Variants in ARHGAP15 observed in about 807,000 individuals in gnomAD.
The protein encoded by ARHGAP15 is Rho GTPase activating protein 15, also known as rho GTPase-activating protein 15.
Under a neutral mutation model 63.7 loss-of-function variants are expected in ARHGAP15, and 51 were observed. The observed-to-expected ratio is 0.80, with a 90% confidence interval of 0.64 to 1.01. ARHGAP15 has a LOEUF of 1.01. Among genes scored for constraint, ARHGAP15 ranks in the 50% least tolerant of loss-of-function variants. The pLI is 0.00. For missense variants in ARHGAP15, 560 were observed against 564.6 expected, an observed-to-expected ratio of 0.99 and a Z score of 0.08; for synonymous variants, 191 against 193.8, an observed-to-expected ratio of 0.99 and a Z score of 0.12.
intron 6 of ARHGAP15, among the ~76,000 whole-genome samples, chr2:143,379,507 G>GTGTGTGTGTGTGTGTT (rs1686967817): frequency 2.0e-5 from 3 of 150,798 alleles, no homozygotes. Flanking sequence ...GTGTGTGTGT[G>GTGTGTGTGTGTGTGTT]TGTGTGTGTG....
At chr2:143,604,114 T>G (rs1185901607) in intron 11 of ARHGAP15, among the ~76,000 whole-genome samples, 11 of 152,220 alleles carry the variant, frequency 7.2e-5, no homozygotes, top group Admixed American at 7.2e-4. Context: ...ATTTAACATT[T>G]AAGGTTAGGC....
At chr2:143,681,445 G>C (rs1025834256) in intron 12 of ARHGAP15, among the ~76,000 whole-genome samples, 7 of 152,188 alleles carry the variant, frequency 4.6e-5, no homozygotes, top group African/African-American at 1.4e-4. Context: ...GATGCAGACG[G>C]GCAAATTTCT....
At chr2:143,521,367 T>C (rs1694055977) in intron 10 of ARHGAP15, among the ~76,000 whole-genome samples, 1 of 152,230 alleles carries the variant, frequency 6.6e-6, no homozygotes, top group Non-Finnish European at 1.5e-5. Context: ...TATGATCATT[T>C]TGTTGGATTA....
intron 12 of ARHGAP15, among the ~76,000 whole-genome samples, chr2:143,642,462 C>T (rs1417807512): frequency 6.6e-6 from 1 of 151,998 alleles, no homozygotes; most frequent in Non-Finnish European, 1.5e-5. Flanking sequence ...ATGAGGAAAC[C>T]CTCAGGTGAT....
chr2:143,318,470 T>C (rs1358944486), intron 6 of ARHGAP15, among the ~76,000 whole-genome samples: 1 of 150,728 alleles, frequency 6.6e-6, no homozygotes, highest in Non-Finnish European at 1.5e-5. Flanking sequence ...GAGTTTATTA[T>C]CTTAGAAAAA....
At chr2:143,412,716 G>T (rs1235897698) in intron 6 of ARHGAP15, among the ~76,000 whole-genome samples, 2 of 137,586 alleles carry the variant, frequency 1.5e-5, no homozygotes, top group African/African-American at 5.4e-5. Context: ...GGCTTAATGT[G>T]TTTCAGCAGC....
At chr2:143,310,820 GTT>G (rs1476336725) in intron 6 of ARHGAP15, among the ~76,000 whole-genome samples, 3 of 151,962 alleles carry the variant, frequency 2.0e-5, no homozygotes, top group African/African-American at 7.2e-5. Flanking sequence ...TCTATAAAAT[GTT>G]TTATGTATTG....
intron 9 of ARHGAP15, among the ~76,000 whole-genome samples, chr2:143,507,200 T>A (rs1693361773): frequency 6.6e-6 from 1 of 152,160 alleles, no homozygotes; most frequent in African/African-American, 2.4e-5. Flanking sequence ...ATCCCTTTCT[T>A]CTTCATTCTC....
intron 6 of ARHGAP15, among the ~76,000 whole-genome samples, chr2:143,265,926 A>G (rs1357568930): frequency 1.3e-5 from 2 of 152,140 alleles, no homozygotes; most frequent in African/African-American, 4.8e-5. Context: ...TAAAGTTTCA[A>G]TAAAATATAT....
At chr2:143,168,773 G>C (rs540796202) in intron 2 of ARHGAP15, among the ~76,000 whole-genome samples, 15 of 151,948 alleles carry the variant, frequency 9.9e-5, no homozygotes, top group Non-Finnish European at 2.1e-4. Flanking sequence ...GATTTAACTA[G>C]TCATCTAATT....
chr2:143,679,165 C>T (rs557696443), intron 12 of ARHGAP15, among the ~76,000 whole-genome samples: 1 of 151,910 alleles, frequency 6.6e-6, no homozygotes, highest in Non-Finnish European at 1.5e-5. Context: ...ATGCTGCACT[C>T]AACCAGAATC....
chr2:143,493,845 G>A (rs1198554549), intron 9 of ARHGAP15, among the ~76,000 whole-genome samples: 2 of 151,916 alleles, frequency 1.3e-5, no homozygotes, highest in South Asian at 2.1e-4. Flanking sequence ...AGTCCTCAAC[G>A]GTCTAAAAAA....
chr2:143,434,589 G>A (rs565189255), intron 6 of ARHGAP15, among the ~76,000 whole-genome samples: 2 of 152,232 alleles, frequency 1.3e-5, no homozygotes, highest in South Asian at 2.1e-4. Flanking sequence ...GAGCAAGGAA[G>A]GCTGAGAAGA....
At chr2:143,753,264 C>A (rs1056251350) in intron 13 of ARHGAP15, among the ~76,000 whole-genome samples, 1 of 152,212 alleles carries the variant, frequency 6.6e-6, no homozygotes, top group Non-Finnish European at 1.5e-5. Context: ...GCTATCCCTG[C>A]AGCTATGCAG....
chr2:143,507,831 T>C (rs1364439059), intron 9 of ARHGAP15, among the ~76,000 whole-genome samples: 1 of 152,136 alleles, frequency 6.6e-6, no homozygotes, highest in Admixed American at 6.5e-5. Flanking sequence ...CATCAGTAGA[T>C]CCCACCTTTA....
chr2:143,308,072 T>C (rs545522050), intron 6 of ARHGAP15, among the ~76,000 whole-genome samples: 2 of 152,264 alleles, frequency 1.3e-5, no homozygotes, highest in East Asian at 3.9e-4. Flanking sequence ...CTGTGAGCAA[T>C]TTTTTGAAAA....
intron 6 of ARHGAP15, among the ~76,000 whole-genome samples, chr2:143,388,561 T>C (rs990647508): frequency 2.0e-5 from 3 of 152,096 alleles, no homozygotes; most frequent in Admixed American, 1.3e-4. Flanking sequence ...CAACTAAATA[T>C]GTATTTGCTC....
chr2:143,281,499 T>C (rs1355132757), intron 6 of ARHGAP15, among the ~76,000 whole-genome samples: 1 of 152,136 alleles, frequency 6.6e-6, no homozygotes, highest in African/African-American at 2.4e-5. Context: ...CTTCATGAGG[T>C]CCTGCAACAG....
At chr2:143,706,552 C>T (rs1559136622) in intron 13 of ARHGAP15, 3 of 152,142 alleles carry the variant, frequency 2.0e-5, no homozygotes, top group Admixed American at 6.6e-5. Flanking sequence ...CAGCTATCAA[C>T]TGGGAAAGCT....
Sources: gnomAD v4.1 joint callset for allele counts (sites outside exome capture counted in the v4.1 genomes callset) on GRCh38, gnomAD v4.1.1 for gene constraint, MANE v1.5 for transcripts, NCBI Gene and HGNC (gene_info 2026-07-23, HGNC 2026-07-21) for gene names.